ANXA9: variants seen among roughly 807,000 people sequenced by gnomAD.
ANXA9 encodes annexin 31.
ANXA9 carries 47 observed loss-of-function variants against 51.8 expected under a neutral mutation model. The observed-to-expected ratio is 0.91, with a 90% CI of 0.72 to 1.16. The LOEUF is 1.16. ANXA9 is among the 50% of genes most tolerant of loss of function. The probability of loss-of-function intolerance (pLI) is 0.00; values close to 1 mark genes in which losing one functional copy is unlikely to be tolerated. For missense variants in ANXA9, 361 were observed against 424.7 expected (o/e 0.85, Z 1.32); for synonymous variants, 154 against 168.7 (o/e 0.91, Z 0.68).
rs587727571 is a variant in ANXA9, at chr1:150,983,242, G to A, written c.75+62G>A. 164 of 1,602,464 alleles carry A rather than the reference G, an allele frequency of 1.0e-4. No individual in the cohort carries two copies. The African/African-American group carries it at 1.8e-3, about 17-fold the overall frequency. ...ATCTCAGCTCGGGCTGTGAGAGGATGGGAGGCAGGAAAGTGGAGGACAGGC... is the reference window on the plus strand; with the variant it reads ...ATCTCAGCTCGGGCTGTGAGAGGATAGGAGGCAGGAAAGTGGAGGACAGGC... On this transcript the variant is annotated intron_variant, in intron 3 of 13. Coordinates refer to ENST00000368947, the MANE Select transcript of ANXA9 (RefSeq NM_003568.3).
intron 9 of ANXA9, 138 bp from the exon 10 acceptor site, chr1:150,987,734 A>G (rs1671601528): frequency 1.4e-6 from 1 of 731,988 alleles, no homozygotes; most frequent in African/African-American, 1.8e-5. Flanking sequence ...TCTCAAAAAA[A>G]AAAAAAAAAA....
At chr1:150,980,443 G>T (rs587663308), upstream of ANXA9, among the ~76,000 whole-genome samples, 2 of 151,890 alleles carry the variant, frequency 1.3e-5, no homozygotes, top group South Asian at 2.1e-4. Flanking sequence ...GGTCATACTT[G>T]TACCAACAAA....
intron 13 of ANXA9, 86 bp from the exon 14 acceptor site, chr1:150,995,174 G>A (rs1303424600): frequency 2.1e-6 from 3 of 1,396,196 alleles, no homozygotes; most frequent in East Asian, 4.8e-5. Context: ...CAGATGAACT[G>A]TGATGGACCA....
chr1:150,989,083 G>A (rs902242071), intron 12 of ANXA9, among the ~76,000 whole-genome samples: 8 of 151,626 alleles, frequency 5.3e-5, no homozygotes, highest in East Asian at 2.0e-4. Context: ...GGATTCAAGC[G>A]ATTTTCCTGC....
intron 12 of ANXA9, among the ~76,000 whole-genome samples, chr1:150,993,229 T>C (rs1047057215): frequency 9.2e-5 from 14 of 152,036 alleles, no homozygotes; most frequent in African/African-American, 3.4e-4. Context: ...AGTTTTTATT[T>C]AAAAATCTCT....
chr1:150,980,000 G>A (rs1671388852), upstream of ANXA9, among the ~76,000 whole-genome samples: 1 of 152,166 alleles, frequency 6.6e-6, no homozygotes, highest in Admixed American at 6.5e-5. Flanking sequence ...TGAGAAGTCT[G>A]GCTCCAGAAG....
At chr1:150,984,485 C>T in intron 6 of ANXA9, 91 bp downstream of exon 6, 1 of 1,526,264 alleles carries the variant, frequency 6.6e-7, no homozygotes, top group Non-Finnish European at 9.1e-7. Context: ...CTCTCGTCGT[C>T]CCATATTGTT....
intron 10 of ANXA9, 45 bp downstream of exon 10, chr1:150,988,001 G>A: frequency 6.2e-7 from 1 of 1,613,868 alleles, no homozygotes; most frequent in South Asian, 1.1e-5. Flanking sequence ...CTAATGATCA[G>A]TTTGGGCTGA....
intron 2 of ANXA9, 136 bp from the exon 3 acceptor site, chr1:150,982,954 G>A (rs1671446118): frequency 1.6e-6 from 1 of 637,352 alleles, no homozygotes; most frequent in Non-Finnish European, 2.7e-6. Flanking sequence ...CCAAGCCTAA[G>A]CAGGTTGATC....
chr1:150,982,458 C>T (rs988917077), intron 1 of ANXA9, 29 bp from the exon 2 acceptor site: 1 of 152,290 alleles, frequency 6.6e-6, no homozygotes, highest in African/African-American at 2.4e-5. Flanking sequence ...TTTCCTTTTC[C>T]AACATGAGAG....
At chr1:150,995,074 A>T (rs766649109) in intron 13 of ANXA9, among the ~76,000 whole-genome samples, 186 bp from the exon 14 acceptor site, 4 of 152,224 alleles carry the variant, frequency 2.6e-5, no homozygotes, top group Non-Finnish European at 4.4e-5. Context: ...CCTGGGTGAC[A>T]GGGCAAGACT....
At chr1:150,980,641 G>T (rs376328034), upstream of ANXA9, among the ~76,000 whole-genome samples, 1 of 137,834 alleles carries the variant, frequency 7.3e-6, no homozygotes, top group Non-Finnish European at 1.5e-5. Context: ...GTGCAGTGGC[G>T]CCATCTCAGC....
intron 7 of ANXA9, 70 bp from the exon 8 acceptor site, chr1:150,986,266 T>G (rs964115645): frequency 7.1e-7 from 1 of 1,410,180 alleles, no homozygotes; most frequent in Non-Finnish European, 1.0e-6. Flanking sequence ...GTCAGGCATT[T>G]GGCAGGTCCT....
At position 150,983,346 on chromosome 1, in the gene ANXA9, G is replaced by A. The variant is rs377363513; in HGVS notation, c.84G>A (p.Ala28=). 1.6e-5 allele frequency: 26 copies of A among 1,613,910 alleles called. No individual in the cohort carries two copies. Among genetic ancestry groups the A allele is most frequent in the Admixed American group, 5.0e-5 (3 of 59,978 alleles). The part of the protein sequence containing the change: ...SHLGLASKTA[A]WGTLGTLRTF... ...ACCCTGTGCTCCCACAGACTGCAGC[G>A]TGGGGGACCCTGGGCACCCTCAGGA... The change falls in exon 4 of 14, where the codon GCG becomes GCA. Residue 28 remains alanine, a synonymous_variant. Coordinates refer to ENST00000368947, the MANE Select transcript of ANXA9 (RefSeq NM_003568.3).
intron 5 of ANXA9, 50 bp downstream of exon 5, chr1:150,984,119 C>A (rs1055713939): frequency 2.5e-5 from 39 of 1,576,052 alleles, no homozygotes; most frequent in Non-Finnish European, 3.1e-5. Flanking sequence ...GAGAAACCCC[C>A]TGGAGGACTC....
intron 2 of ANXA9, 65 bp from the exon 3 acceptor site, chr1:150,983,025 G>C (rs1671449625): frequency 3.3e-6 from 4 of 1,229,376 alleles, no homozygotes; most frequent in South Asian, 2.6e-5. Flanking sequence ...GGTCTCGGGG[G>C]GGTCATAAGG....
At position 150,986,624 on chromosome 1, in the gene ANXA9, G is replaced by C. The variant is rs1353704903; in HGVS notation, c.575G>C (p.Gly192Ala). The change falls in exon 9 of 14, where the codon GGA becomes GCA. Residue 192 changes from glycine (G) to alanine (A), a missense_variant. Coordinates refer to ENST00000368947, the MANE Select transcript of ANXA9 (RefSeq NM_003568.3). ...LAKGGRDSYS[G>A]IIDYNLAEQD... ...TAGGGGGGCCGTGACAGCTACTCTG[G>C]AATCATTGACTATAATCTGGCAGAA... The C allele has an allele frequency of 2.4e-5, 39 of 1,603,986 alleles. No homozygotes were observed. The highest frequency in any genetic ancestry group is 3.3e-5 in the Non-Finnish European group (39 of 1,177,274).
In ANXA9 at chr1:150,988,091, T is replaced by G; in HGVS notation, c.698T>G (p.Val233Gly). 1 of 1,614,180 alleles carries G rather than the reference T, an allele frequency of 6.2e-7. No homozygotes were observed. Among genetic ancestry groups the G allele is most frequent in the Non-Finnish European group, 8.5e-7 (1 of 1,180,026 alleles). ...TCTAACTGCCTCCTACACACACAAG[T>G]GTTTGATCAGTACCAGCGGAGCACT... The part of the protein sequence containing the change: ...TQRNPEHLIR[V>G]FDQYQRSTGQ... Residue 233 changes from valine to glycine, a missense_variant and splice_region_variant, in exon 11 of 14, where the codon GTG becomes GGG. By Grantham distance (109) the Val-to-Gly change is moderately radical. Transcript: ENST00000368947.
intron 8 of ANXA9, 89 bp downstream of exon 8, chr1:150,986,504 A>G (rs751187540): frequency 6.3e-7 from 1 of 1,576,724 alleles, no homozygotes; most frequent in Non-Finnish European, 8.7e-7. Flanking sequence ...CCTGTAATGG[A>G]CAAGAGAGGG....
Sources: allele counts gnomAD v4.1 joint callset (sites outside exome capture counted in the v4.1 genomes callset), GRCh38; gene constraint gnomAD v4.1.1; transcripts MANE v1.5; gene names NCBI Gene and HGNC (gene_info 2026-07-23, HGNC 2026-07-21).